Variants in AR observed in about 807,000 individuals in gnomAD.
AR encodes the protein androgen receptor, also known as dihydrotestosterone receptor.
Under a neutral mutation model 53.9 loss-of-function variants are expected in AR, and 8 were observed. That is an observed-to-expected ratio of 0.15 (90% confidence interval 0.09 to 0.27). The LOEUF (loss-of-function observed/expected upper bound fraction) is 0.27. AR is among the 10% of genes least tolerant of loss of function. The probability of loss-of-function intolerance (pLI) is 1.00; values close to 1 mark genes in which losing one functional copy is unlikely to be tolerated. For missense variants in AR, 639 were observed against 742.5 expected (o/e 0.86, Z 1.62); for synonymous variants, 359 against 316.4 (o/e 1.13, Z -1.43).
chrX:67,727,880 C>T lies in AR; in HGVS notation c.*4039C>T, dbSNP rs1023149232. ...CCAAAGCACCAGATCAAATCCAAAACTTAAAGTCAAAATAAGCCATTCAGC... is the reference window on the plus strand; with the variant it reads ...CCAAAGCACCAGATCAAATCCAAAATTTAAAGTCAAAATAAGCCATTCAGC... On this transcript the variant is annotated 3_prime_UTR_variant, in exon 8 of 8. Coordinates refer to ENST00000374690, the MANE Select transcript of AR (RefSeq NM_000044.6). 1.7e-5 allele frequency: 3 copies of T among 173,397 alleles called. No homozygotes were observed. The highest frequency in any genetic ancestry group is 8.8e-5 in the African/African-American group (3 of 34,010). The allele number at this position is 173,397 out of a possible 1,213,427, so 14.3% of individuals were successfully genotyped here.
At chrX:67,589,587 T>C (rs912684420) in intron 1 of AR, among the ~76,000 whole-genome samples, 3 of 112,019 alleles carry the variant, frequency 2.7e-5, no homozygotes, top group East Asian at 2.8e-4. Context: ...GTCATTGATA[T>C]ACATTTTGAG....
chrX:67,723,655 C>G (rs1224777299), intron 7 of AR, 31 bp from the exon 8 acceptor site: 4 of 1,205,305 alleles, frequency 3.3e-6, no homozygotes, highest in Non-Finnish European at 4.5e-6. Flanking sequence ...CTTGTCAACC[C>G]TGTTTTTCTC....
intron 3 of AR, among the ~76,000 whole-genome samples, chrX:67,704,844 A>T (rs2076058617): frequency 8.9e-6 from 1 of 112,259 alleles, no homozygotes; most frequent in African/African-American, 3.2e-5. Context: ...GAAGGGATCC[A>T]GTTTCAGCTT....
At chrX:67,562,207 G>A (rs921582836) in intron 1 of AR, among the ~76,000 whole-genome samples, 2 of 109,265 alleles carry the variant, frequency 1.8e-5, no homozygotes, top group Admixed American at 9.8e-5. Flanking sequence ...CAGGTGATCC[G>A]CCTGCCTCGG....
intron 5 of AR, among the ~76,000 whole-genome samples, chrX:67,720,851 G>T (rs1421298176): frequency 9.3e-6 from 1 of 107,031 alleles, no homozygotes; most frequent in African/African-American, 3.5e-5. Context: ...TTCCCTTTCT[G>T]CACACGCTGC....
chrX:67,674,687 C>T (rs952692574), intron 2 of AR, among the ~76,000 whole-genome samples: 50 of 111,208 alleles, frequency 4.5e-4, no homozygotes, highest in African/African-American at 1.4e-3. Flanking sequence ...GAGTCTCTCC[C>T]TTCAAGGAAG....
At chrX:67,645,365 G>A (rs1246783785) in intron 2 of AR, among the ~76,000 whole-genome samples, 1 of 111,214 alleles carries the variant, frequency 9.0e-6, no homozygotes, top group Non-Finnish European at 1.9e-5. Flanking sequence ...AAGGAGGGAG[G>A]CAGGCAGAAG....
intron 1 of AR, among the ~76,000 whole-genome samples, chrX:67,642,254 G>A (rs1235729996): frequency 8.9e-6 from 1 of 112,032 alleles, no homozygotes; most frequent in African/African-American, 3.2e-5. Flanking sequence ...TTTGTTTAAT[G>A]CTTAGGCATA....
intron 3 of AR, among the ~76,000 whole-genome samples, chrX:67,691,226 G>A (rs1800321832): frequency 8.9e-6 from 1 of 111,986 alleles, no homozygotes; most frequent in Admixed American, 9.5e-5. Context: ...TTACCTGCAA[G>A]TACTGACCAC....
chrX:67,698,148 CT>C (rs1361927750), intron 3 of AR, among the ~76,000 whole-genome samples: 1 of 112,263 alleles, frequency 8.9e-6, no homozygotes, highest in South Asian at 3.7e-4. Flanking sequence ...AACTACTACT[CT>C]TTATACATAT....
chrX:67,662,347 C>T (rs1926974747), intron 2 of AR, among the ~76,000 whole-genome samples: 1 of 110,534 alleles, frequency 9.0e-6, no homozygotes, highest in South Asian at 4.0e-4. Flanking sequence ...AAATTTCCCT[C>T]TCCACACTGC....
intron 1 of AR, among the ~76,000 whole-genome samples, chrX:67,557,711 CT>C (rs1921119182): frequency 9.0e-6 from 1 of 111,261 alleles, no homozygotes; most frequent in African/African-American, 3.3e-5. Flanking sequence ...AGTAGATTTT[CT>C]TTTTTTAGTG....
chrX:67,721,709 C>A, intron 5 of AR, 124 bp from the exon 6 acceptor site: 1 of 946,388 alleles, frequency 1.1e-6, no homozygotes, highest in Middle Eastern at 3.9e-4. Context: ...CCCTGGAGCA[C>A]CAGCAGGAGA....
rs747476914 is a variant in AR at position 67,639,166 on chromosome X, A to T, written c.1617-4090A>T. 2.7e-5 allele frequency among the ~76,000 whole-genome samples: 3 copies of T among 111,242 alleles called. No individual in the cohort carries two copies. In the South Asian group the frequency reaches 1.1e-3, roughly 42 times the overall value. On this transcript the variant is annotated intron_variant, in intron 1 of 7. Coordinates refer to ENST00000374690, the MANE Select transcript of AR (RefSeq NM_000044.6). ...ATTTCTGAGACCTCTGTTCTGTTCCATTGGTCTATATATCTGTTTTGGTAC... is the reference window on the plus strand; with the variant it reads ...ATTTCTGAGACCTCTGTTCTGTTCCTTTGGTCTATATATCTGTTTTGGTAC...
intron 1 of AR, among the ~76,000 whole-genome samples, chrX:67,586,076 G>A (rs1219037033): frequency 1.8e-5 from 2 of 111,591 alleles, no homozygotes; most frequent in African/African-American, 3.3e-5. Context: ...AGGACAGAGA[G>A]AGCCTGAATC....
chrX:67,598,642 A>G (rs1923194495), intron 1 of AR, among the ~76,000 whole-genome samples: 1 of 111,358 alleles, frequency 9.0e-6, no homozygotes, highest in Admixed American at 9.5e-5. Context: ...TCTTTGCTTA[A>G]TATACCCATA....
intron 1 of AR, among the ~76,000 whole-genome samples, chrX:67,635,622 G>T (rs777245129): frequency 1.8e-5 from 2 of 110,737 alleles, no homozygotes; most frequent in Non-Finnish European, 3.8e-5. Flanking sequence ...GATCTCAGCT[G>T]GGTGCCAAGG....
intron 1 of AR, among the ~76,000 whole-genome samples, chrX:67,630,522 C>T (rs1925021446): frequency 9.1e-6 from 1 of 110,414 alleles, no homozygotes; most frequent in Non-Finnish European, 1.9e-5. Flanking sequence ...TTATTTTGAG[C>T]CTATGTGTGT....
intron 1 of AR, among the ~76,000 whole-genome samples, chrX:67,586,954 AGT>A (rs2023097844): frequency 1.8e-5 from 2 of 112,210 alleles, no homozygotes; most frequent in African/African-American, 6.5e-5. Context: ...TGGCTTGCCA[AGT>A]GAGAATATTA....
Sources: allele counts gnomAD v4.1 joint callset (sites outside exome capture counted in the v4.1 genomes callset), GRCh38; gene constraint gnomAD v4.1.1; transcripts MANE v1.5; gene names NCBI Gene and HGNC (gene_info 2026-07-23, HGNC 2026-07-21).